The following SLC25A14 variants were observed in gnomAD, a reference collection of about 807,000 sequenced individuals.
SLC25A14 encodes the protein solute carrier family 25 member 14, also known as brain mitochondrial carrier protein 1.
Under a neutral mutation model 28.1 loss-of-function variants are expected in SLC25A14, and 8 were observed. The ratio of observed to expected loss-of-function variants is 0.28; its 90% CI spans 0.17 to 0.51. SLC25A14 has a LOEUF of 0.51. Ranked by LOEUF, SLC25A14 falls within the 20% of genes least tolerant of loss-of-function variation. SLC25A14 has a pLI of 0.97. For missense variants in SLC25A14, 135 were observed against 263.8 expected (o/e 0.51, Z 3.38); for synonymous variants, 74 against 90.6 (o/e 0.82, Z 1.04).
chrX:130,365,145 C>T, intron 8 of SLC25A14: 1 of 810,117 alleles, frequency 1.2e-6, no homozygotes, highest in African/African-American at 2.2e-5. Flanking sequence ...AGTTTTTTGG[C>T]TAAAGACTGT....
At position 130,340,258 on chromosome X, in the gene SLC25A14, A is replaced by G; in HGVS notation, c.-21A>G. ...CTCTGACAGCTGAGGAACTGGCAAG[A>G]TCCTGCTACCCAGAGGGTGAATGGG... On this transcript the variant is annotated 5_prime_UTR_variant, in exon 2 of 11. Coordinates refer to ENST00000545805, the MANE Select transcript of SLC25A14 (RefSeq NM_001282195.2). The G allele has an allele frequency of 8.3e-7, 1 of 1,210,687 alleles. No homozygotes were observed. The highest frequency in any genetic ancestry group is 1.1e-6 in the Non-Finnish European group (1 of 894,505).
At chrX:130,361,134 AATATTCCAT>A (rs2033952799) in intron 7 of SLC25A14, among the ~76,000 whole-genome samples, 1 of 112,666 alleles carries the variant, frequency 8.9e-6, no homozygotes. Context: ...AAGGCTGAAT[AATATTCCAT>A]TGTATGTATA....
intron 6 of SLC25A14, among the ~76,000 whole-genome samples, chrX:130,355,672 T>C (rs1422942994): frequency 1.8e-5 from 2 of 112,296 alleles, no homozygotes; most frequent in African/African-American, 3.2e-5. Context: ...ATTTCCAGAC[T>C]GTCTTATATT....
rs1252325669 is a variant in SLC25A14 at position 130,349,332 on chromosome X, A to G, written c.399A>G (p.Val133=). 77 of 1,159,681 alleles carry G rather than the reference A, an allele frequency of 6.6e-5. No homozygotes were observed. Among genetic ancestry groups the G allele is most frequent in the Non-Finnish European group, 8.7e-5 (74 of 852,485 alleles). Residue 133 remains valine (V), a synonymous_variant, in exon 5 of 11, where the codon GTA becomes GTG. Coordinates refer to ENST00000545805, the MANE Select transcript of SLC25A14 (RefSeq NM_001282195.2). ...ACCAAAGCTTGAAGCGCTTATTCGT[A>G]GAACGTTTAGAAGGTCAGTATACTT... ...GIYQSLKRLF[V]ERLEDETLLI...
rs773119628 is a variant in SLC25A14 at position 130,364,670 on chromosome X, G to A, written c.637G>A (p.Val213Ile). Residue 213 changes from valine (V) to isoleucine (I), a missense_variant, in exon 8 of 11, where the codon GTA (valine) becomes ATA (isoleucine). Physicochemically the swap from Val to Ile is conservative, Grantham distance 29 (BLOSUM62 3). Coordinates refer to ENST00000545805, the MANE Select transcript of SLC25A14 (RefSeq NM_001282195.2). ...TCAGCGTGCTGCCATCGTTGTAGGA[G>A]TAGAGCTACCAGTCTATGATATTAC... ...TAQRAAIVVG[V>I]ELPVYDITKK... The A allele has an allele frequency of 1.2e-5, 14 of 1,207,981 alleles. No individual in the cohort carries two copies. The South Asian group carries it at 2.3e-4, about 20-fold the overall frequency.
rs2034263081 is a variant in SLC25A14 at position 130,371,564 on chromosome X, A to T, written c.856A>T (p.Met286Leu). 8.3e-7 allele frequency: 1 copy of T among 1,198,488 alleles called. No homozygotes were observed. Among genetic ancestry groups the T allele is most frequent in the Admixed American group, 2.2e-5 (1 of 45,634 alleles). ...YKGTVDGILKMWKHEGFFALY... is the reference protein window; with the variant it reads ...YKGTVDGILKLWKHEGFFALY... ...GTTTTTGGTTATATCTTTCCTGCAG[A>T]TGTGGAAACATGAGGGCTTTTTTGC... Residue 286 changes from methionine (M) to leucine (L), a missense_variant and splice_region_variant, in exon 10 of 11, where the codon ATG becomes TTG. By Grantham distance (15) the Met-to-Leu change is conservative. Coordinates refer to ENST00000545805, the MANE Select transcript of SLC25A14 (RefSeq NM_001282195.2).
rs768352460 is a variant in SLC25A14, at chrX:130,361,907, G to A, written c.595-2721G>A. 3.4e-4 allele frequency among the ~76,000 whole-genome samples: 38 copies of A among 111,130 alleles called. No homozygotes were observed. The East Asian group carries it at 5.4e-3, about 16-fold the overall frequency. ...CTTTTGGAAACACTGTGGGCCACTC[G>A]AAACATGCCTATAGCCTGATTTTGG... On this transcript the variant is annotated intron_variant, in intron 7 of 10. Transcript: ENST00000545805.
intron 9 of SLC25A14, among the ~76,000 whole-genome samples, chrX:130,366,560 G>A (rs769076915): frequency 8.9e-6 from 1 of 112,206 alleles, no homozygotes; most frequent in African/African-American, 3.2e-5. Context: ...GGGAGAACTG[G>A]AATTTAAACT....
At chrX:130,359,352 CAAAAAAAAAAA>C (rs55826694) in intron 7 of SLC25A14, among the ~76,000 whole-genome samples, 2 of 26,223 alleles carry the variant, frequency 7.6e-5, no homozygotes, top group East Asian at 1.2e-3. Context: ...GACTCTGTCT[CAAAAAAAAAAA>C]AAAAAAAAAA....
intron 6 of SLC25A14, among the ~76,000 whole-genome samples, chrX:130,354,674 G>A: frequency 9.0e-6 from 1 of 111,413 alleles, no homozygotes; most frequent in Non-Finnish European, 1.9e-5. Context: ...GGTCAAATCT[G>A]GCCCACCCCC....
chrX:130,363,266 T>C (rs1314091233), intron 7 of SLC25A14, among the ~76,000 whole-genome samples: 1 of 112,371 alleles, frequency 8.9e-6, no homozygotes, highest in Non-Finnish European at 1.9e-5. Flanking sequence ...GATTTACCTG[T>C]TCTAGGTATT....
At chrX:130,364,159 C>A (rs1314926943) in intron 7 of SLC25A14, among the ~76,000 whole-genome samples, 1 of 111,890 alleles carries the variant, frequency 8.9e-6, no homozygotes, top group African/African-American at 3.3e-5. Context: ...TGCTTATTGG[C>A]CATTTGTGTA....
At chrX:130,364,403 T>C (rs1459274116) in intron 7 of SLC25A14, among the ~76,000 whole-genome samples, 1 of 111,925 alleles carries the variant, frequency 8.9e-6, no homozygotes, top group African/African-American at 3.2e-5. Flanking sequence ...TTTTTTCTTT[T>C]GTCTTTTGTG....
intron 2 of SLC25A14, among the ~76,000 whole-genome samples, chrX:130,341,656 C>T (rs1214995534): frequency 3.6e-5 from 4 of 112,227 alleles, no homozygotes; most frequent in South Asian, 3.7e-4. Flanking sequence ...TCAAATTCTC[C>T]GAAGTCAGAT....
In SLC25A14 at chrX:130,340,274, G is replaced by A. The variant is rs777209939; in HGVS notation, c.-5G>A. 1.7e-6 allele frequency: 2 copies of A among 1,208,783 alleles called. No individual in the cohort carries two copies. Among genetic ancestry groups the A allele is most frequent in the Admixed American group, 4.3e-5 (2 of 46,045 alleles). On this transcript the variant is annotated 5_prime_UTR_variant, in exon 2 of 11. Transcript: ENST00000545805. ...ACTGGCAAGATCCTGCTACCCAGAG[G>A]GTGAATGGGTATCTTTCCCGGAATA...
intron 9 of SLC25A14, among the ~76,000 whole-genome samples, chrX:130,368,394 C>T (rs1365548958): frequency 8.9e-6 from 1 of 111,782 alleles, no homozygotes; most frequent in Non-Finnish European, 1.9e-5. Flanking sequence ...GAAGAGGCCC[C>T]CCCACACACA....
intron 3 of SLC25A14, 100 bp from the exon 4 acceptor site, chrX:130,346,444 A>T (rs1439618206): frequency 1.5e-6 from 1 of 675,591 alleles, no homozygotes; most frequent in East Asian, 3.2e-5. Context: ...TATAAAAAGG[A>T]CTTTGTCTTA....
At chrX:130,362,160 C>T (rs1383976782) in intron 7 of SLC25A14, among the ~76,000 whole-genome samples, 3 of 102,115 alleles carry the variant, frequency 2.9e-5, no homozygotes, top group South Asian at 8.6e-4. Context: ...TTTTTTGAGA[C>T]GGAGTCTTGC....
chrX:130,352,662 T>C (rs148050888), intron 6 of SLC25A14, among the ~76,000 whole-genome samples: 143 of 112,634 alleles, frequency 1.3e-3, no homozygotes, highest in East Asian at 4.2e-3. Context: ...ATTTCTCTGA[T>C]GATTAGTGAT....
Sources: gnomAD v4.1 joint callset for allele counts (sites outside exome capture counted in the v4.1 genomes callset) on GRCh38, gnomAD v4.1.1 for gene constraint, MANE v1.5 for transcripts, NCBI Gene and HGNC (gene_info 2026-07-23, HGNC 2026-07-21) for gene names.